MYO16: variants seen among roughly 807,000 people sequenced by gnomAD.
The protein encoded by MYO16 is unconventional myosin-XVI.
Under a neutral mutation model 205.3 loss-of-function variants are expected in MYO16, and 94 were observed. The observed-to-expected ratio is 0.46, with a 90% confidence interval of 0.39 to 0.54. The LOEUF (loss-of-function observed/expected upper bound fraction) is 0.54. Ranked by LOEUF, MYO16 falls within the 20% of genes least tolerant of loss-of-function variation. The probability of loss-of-function intolerance (pLI) is 0.00; values close to 1 mark genes in which losing one functional copy is unlikely to be tolerated. For synonymous variants in MYO16, 988 were observed against 954.0 expected, an observed-to-expected ratio of 1.04 and a Z score of -0.66; for missense variants, 2,315 against 2,387.5, an observed-to-expected ratio of 0.97 and a Z score of 0.63.
chr13:108,978,304 G>A (rs1594442270), intron 20 of MYO16, among the ~76,000 whole-genome samples: 2 of 152,022 alleles, frequency 1.3e-5, no homozygotes, highest in South Asian at 4.1e-4. Context: ...GCCAATACAT[G>A]TGGGAAATTT....
intron 1 of MYO16, among the ~76,000 whole-genome samples, chr13:108,648,231 C>A (rs2139394771): frequency 6.6e-6 from 1 of 152,304 alleles, no homozygotes; most frequent in Non-Finnish European, 1.5e-5. Flanking sequence ...TAATATGCTC[C>A]CTGGTCCTTC....
intron 32 of MYO16, chr13:109,164,223 T>A (rs1346302881): frequency 6.6e-6 from 1 of 152,250 alleles, no homozygotes; most frequent in African/African-American, 2.4e-5. Context: ...TGGGGAAACC[T>A]ACCTCCATTG....
At chr13:108,953,801 G>T (rs1883245322) in intron 16 of MYO16, among the ~76,000 whole-genome samples, 1 of 152,076 alleles carries the variant, frequency 6.6e-6, no homozygotes, top group Non-Finnish European at 1.5e-5. Context: ...CTCATTTCTA[G>T]TGAAATCATC....
At chr13:108,890,738 C>T (rs1443696976) in intron 14 of MYO16, among the ~76,000 whole-genome samples, 1 of 152,214 alleles carries the variant, frequency 6.6e-6, no homozygotes, top group African/African-American at 2.4e-5. Context: ...ACCAGAGACT[C>T]CTTTGCTCAA....
intron 4 of MYO16, among the ~76,000 whole-genome samples, chr13:108,737,533 G>A (rs1035845805): frequency 3.9e-5 from 6 of 152,088 alleles, no homozygotes; most frequent in African/African-American, 1.4e-4. Context: ...TGCTGGATTC[G>A]GTTTGCCAGT....
chr13:108,703,673 AT>A (rs1883393740), intron 2 of MYO16, among the ~76,000 whole-genome samples: 1 of 152,250 alleles, frequency 6.6e-6, no homozygotes, highest in Non-Finnish European at 1.5e-5. Context: ...GTGCCAATAA[AT>A]TTTAAAAGAA....
chr13:109,025,214 C>G (rs1886325134), intron 23 of MYO16, among the ~76,000 whole-genome samples: 1 of 152,162 alleles, frequency 6.6e-6, no homozygotes. Context: ...ATAATTATTA[C>G]TCCTGGATGA....
At chr13:109,028,447 A>T in intron 23 of MYO16, 1 of 260,876 alleles carries the variant, frequency 3.8e-6, no homozygotes, top group Non-Finnish European at 7.8e-6. Context: ...CTCCCTTTGA[A>T]GGGAATTTTG....
chr13:108,967,805 A>G (rs750030893), intron 20 of MYO16, among the ~76,000 whole-genome samples: 7 of 152,196 alleles, frequency 4.6e-5, no homozygotes, highest in Admixed American at 2.0e-4. Context: ...GCTAAAAATG[A>G]CACAGTTTAT....
intron 3 of MYO16, among the ~76,000 whole-genome samples, chr13:108,717,758 GA>G (rs985841676): frequency 1.9e-3 from 282 of 151,994 alleles, no homozygotes; most frequent in African/African-American, 6.5e-3. Flanking sequence ...GAGAAAGAGA[GA>G]ATCCTTTTAA....
chr13:109,185,428 T>G (rs1020784333), intron 34 of MYO16, among the ~76,000 whole-genome samples: 5 of 152,130 alleles, frequency 3.3e-5, no homozygotes, highest in Non-Finnish European at 7.4e-5. Flanking sequence ...GCTTACTTGC[T>G]CTTGTTATTA....
chr13:109,026,801 A>G (rs1363027674), intron 23 of MYO16, among the ~76,000 whole-genome samples: 1 of 152,002 alleles, frequency 6.6e-6, no homozygotes, highest in African/African-American at 2.4e-5. Context: ...AATTTCCTTG[A>G]TCTCATTTTG....
intron 7 of MYO16, among the ~76,000 whole-genome samples, chr13:108,812,473 C>T (rs756793035): frequency 3.3e-5 from 5 of 151,454 alleles, no homozygotes; most frequent in Non-Finnish European, 5.9e-5. Flanking sequence ...TGAGTGCGCA[C>T]GCCCCTTGAG....
intron 22 of MYO16, among the ~76,000 whole-genome samples, chr13:109,010,957 T>TTTTATATATATATATATATATA: frequency 8.4e-6 from 1 of 118,576 alleles, no homozygotes; most frequent in South Asian, 2.5e-4. Context: ...ACATATAATA[T>TTTTATATATATATATATATATA]TATATATATA....
At chr13:108,834,518 T>C (rs1454699770) in intron 9 of MYO16, among the ~76,000 whole-genome samples, 1 of 151,848 alleles carries the variant, frequency 6.6e-6, no homozygotes, top group African/African-American at 2.4e-5. Context: ...TAGTCCAAAG[T>C]TGAGCTGAGA....
rs528002077 is a variant in MYO16, at chr13:108,916,984, C to T, written c.1925+6834C>T. ...AAAAGGGGGAGTGTTGAGATGAGGGCGTAGCTGAAGAGAGCGGAGGTTATG... is the reference window on the plus strand; with the variant it reads ...AAAAGGGGGAGTGTTGAGATGAGGGTGTAGCTGAAGAGAGCGGAGGTTATG... On this transcript the variant is annotated intron_variant, in intron 16 of 34. Coordinates refer to ENST00000457511, the MANE Select transcript of MYO16 (RefSeq NM_001198950.3). Among the ~76,000 whole-genome samples the T allele has an allele frequency of 3.9e-5, 6 of 151,916 alleles. No individual in the cohort carries two copies. The South Asian group carries it at 1.0e-3, about 26-fold the overall frequency.
chr13:109,019,721 G>A lies in MYO16; in HGVS notation c.2606G>A (p.Gly869Glu). ...CTTCTTAACTCTCAGAAGCCATCTGGATTTCTCACCTTATTGGATGAAGAA... is the reference window on the plus strand; with the variant it reads ...CTTCTTAACTCTCAGAAGCCATCTGAATTTCTCACCTTATTGGATGAAGAA... ...VLDFFFQKPS[G>E]FLTLLDEESQ... Residue 869 changes from glycine to glutamate, a missense_variant, in exon 23 of 35, where the codon GGA (glycine) becomes GAA (glutamate). Gly to Glu is a moderately conservative substitution (Grantham distance 98). Transcript: ENST00000457511. 6.2e-7 allele frequency: 1 copy of A among 1,613,778 alleles called. No individual in the cohort carries two copies. Among genetic ancestry groups the A allele is most frequent in the Non-Finnish European group, 8.5e-7 (1 of 1,179,818 alleles).
At chr13:108,764,009 A>C (rs999032745) in intron 4 of MYO16, among the ~76,000 whole-genome samples, 4 of 152,208 alleles carry the variant, frequency 2.6e-5, no homozygotes, top group Admixed American at 2.0e-4. Flanking sequence ...TTGTATGGTC[A>C]TGAAAGTCAA....
intron 12 of MYO16, among the ~76,000 whole-genome samples, chr13:108,878,974 C>T (rs1398000251): frequency 6.6e-6 from 1 of 152,228 alleles, no homozygotes; most frequent in Non-Finnish European, 1.5e-5. Context: ...GTCTTTGCAC[C>T]AGCACCACAC....
Sources: allele counts gnomAD v4.1 joint callset (sites outside exome capture counted in the v4.1 genomes callset), GRCh38; gene constraint gnomAD v4.1.1; transcripts MANE v1.5; gene names NCBI Gene and HGNC (gene_info 2026-07-23, HGNC 2026-07-21).